WDR41: variants seen among roughly 807,000 people sequenced by gnomAD.
WDR41 encodes WD repeat-containing protein 41.
In WDR41, 63 loss-of-function variants were observed where a neutral mutation model predicts 69.3. That is an observed-to-expected ratio of 0.91 (90% CI 0.74 to 1.12). WDR41 has a LOEUF of 1.12. WDR41 is among the 50% of genes most tolerant of loss of function. The pLI is 0.00. For synonymous variants in WDR41, 185 were observed against 192.1 expected (o/e 0.96, Z 0.31); for missense variants, 543 against 534.5 (o/e 1.02, Z -0.16).
chr5:77,613,458 T>C (rs1180888929), intron 1 of WDR41, among the ~76,000 whole-genome samples: 1 of 151,824 alleles, frequency 6.6e-6, no homozygotes, highest in African/African-American at 2.4e-5. Flanking sequence ...TATAGATCAA[T>C]GGAACAGAAC....
At position 77,485,074 on chromosome 5, in the gene WDR41, C is replaced by G. The variant is rs552216661; in HGVS notation, c.167+4383G>C. ...CCTCCAGCGGTCCCCATTGGGCTGG[C>G]AGAAACTTTGTCACATCTGCATCAG... On this transcript the variant is annotated intron_variant, in intron 2 of 12. Transcript: ENST00000296679. Among the ~76,000 whole-genome samples, 8 of 152,338 alleles carry G rather than the reference C, an allele frequency of 5.3e-5. No homozygotes were observed. In the South Asian group the frequency reaches 1.7e-3, roughly 32 times the overall value.
chr5:77,489,663 G>A, intron 1 of WDR41, 91 bp from the exon 2 acceptor site: 1 of 686,562 alleles, frequency 1.5e-6, no homozygotes, highest in Non-Finnish European at 2.4e-6. Flanking sequence ...TAACTCCATG[G>A]TATACATCTG....
At chr5:77,504,227 C>T (rs1271345008) in intron 1 of WDR41, among the ~76,000 whole-genome samples, 1 of 151,988 alleles carries the variant, frequency 6.6e-6, no homozygotes, top group African/African-American at 2.4e-5. Context: ...ATACAAACTA[C>T]CATCAGAGAA....
At chr5:77,507,927 C>T (rs758833116) in intron 1 of WDR41, among the ~76,000 whole-genome samples, 15 of 151,928 alleles carry the variant, frequency 9.9e-5, no homozygotes, top group Middle Eastern at 3.2e-3. Context: ...AGGTTCTGTC[C>T]GGTTTTCTTC....
intron 2 of WDR41, among the ~76,000 whole-genome samples, chr5:77,488,729 TACTAGGTA>T (rs1801631167): frequency 6.6e-6 from 1 of 152,194 alleles, no homozygotes; most frequent in South Asian, 2.1e-4. Context: ...TAAGGCACTG[TACTAGGTA>T]CTAAGAAAAC....
chr5:77,494,370 A>G (rs190297187), upstream of WDR41, among the ~76,000 whole-genome samples: 868 of 148,942 alleles, frequency 5.8e-3, 6 homozygotes, highest in South Asian at 9.9e-3. Flanking sequence ...AGGCAGATTG[A>G]CAAAAAAAAA....
At chr5:77,501,927 G>A (rs962591926) in intron 1 of WDR41, among the ~76,000 whole-genome samples, 4 of 152,188 alleles carry the variant, frequency 2.6e-5, no homozygotes, top group Non-Finnish European at 5.9e-5. Flanking sequence ...AGAGAAATCA[G>A]AGCAGAAAAA....
chr5:77,523,010 C>A (rs2112194138), intron 1 of WDR41, among the ~76,000 whole-genome samples: 1 of 152,168 alleles, frequency 6.6e-6, no homozygotes, highest in East Asian at 1.9e-4. Flanking sequence ...TAATGGAAAA[C>A]ACCACATGGA....
At chr5:77,497,002 C>A (rs1581773677), upstream of WDR41, among the ~76,000 whole-genome samples, 1 of 152,254 alleles carries the variant, frequency 6.6e-6, no homozygotes, top group South Asian at 2.1e-4. Context: ...GGGGAAAGGA[C>A]AGTCTTTTCA....
intron 4 of WDR41, 71 bp downstream of exon 4, chr5:77,463,022 TAA>T: frequency 3.3e-6 from 5 of 1,494,368 alleles, no homozygotes; most frequent in Non-Finnish European, 4.5e-6. Flanking sequence ...CCCTATCAGC[TAA>T]AGACTAATAG....
rs567702880 is a variant in WDR41, at chr5:77,591,663, T to C, written c.42+28816A>G. The stretch of plus-strand genomic sequence containing the variant: ...GATTTCTTCTTTTACCCTTAAGTTA[T>C]ACAGAAAATGTTATCCAATTTCCAA... On this transcript the variant is annotated intron_variant, in intron 1 of 5. Coordinates refer to the WDR41 transcript ENST00000509971. Among the ~76,000 whole-genome samples, 5 of 152,262 alleles carry C rather than the reference T, an allele frequency of 3.3e-5. No individual in the cohort carries two copies. The East Asian group carries it at 5.8e-4, about 18-fold the overall frequency.
intron 1 of WDR41, among the ~76,000 whole-genome samples, chr5:77,491,001 A>C (rs780498428): frequency 2.2e-4 from 33 of 152,212 alleles, no homozygotes; most frequent in Admixed American, 1.7e-3. Flanking sequence ...CAATTCACAA[A>C]TTCTGTTCTT....
At chr5:77,543,849 T>C (rs1439295952) in intron 1 of WDR41, among the ~76,000 whole-genome samples, 1 of 152,068 alleles carries the variant, frequency 6.6e-6, no homozygotes, top group Non-Finnish European at 1.5e-5. Context: ...CTAGCCACAT[T>C]GTCATCAGAT....
At chr5:77,469,599 G>A (rs1246971346) in intron 2 of WDR41, among the ~76,000 whole-genome samples, 8 of 152,100 alleles carry the variant, frequency 5.3e-5, no homozygotes, top group Admixed American at 1.3e-4. Flanking sequence ...TGTGTGTGAT[G>A]TTAACACCCA....
intron 1 of WDR41, among the ~76,000 whole-genome samples, chr5:77,564,059 T>C (rs1363628345): frequency 1.3e-5 from 2 of 152,194 alleles, no homozygotes; most frequent in Admixed American, 6.6e-5. Flanking sequence ...GCATAATACC[T>C]ACCTTTTCAG....
intron 2 of WDR41, among the ~76,000 whole-genome samples, chr5:77,469,240 C>T (rs1256001622): frequency 4.0e-5 from 6 of 150,320 alleles, no homozygotes; most frequent in Non-Finnish European, 3.0e-5. Context: ...CAGGGCCTGT[C>T]GTGGGGTGGG....
chr5:77,572,126 G>A (rs376391178), intron 1 of WDR41, among the ~76,000 whole-genome samples: 13 of 152,058 alleles, frequency 8.5e-5, no homozygotes, highest in East Asian at 3.8e-4. Context: ...GGAGAAGAAG[G>A]TTCACTTTAT....
chr5:77,454,283 C>T (rs970348806), intron 5 of WDR41, among the ~76,000 whole-genome samples: 2 of 152,168 alleles, frequency 1.3e-5, no homozygotes, highest in East Asian at 1.9e-4. Context: ...TTGCCAAGCA[C>T]GTAGGTGAGC....
intron 5 of WDR41, among the ~76,000 whole-genome samples, chr5:77,458,499 G>A (rs1799920056): frequency 6.6e-6 from 1 of 152,070 alleles, no homozygotes; most frequent in Non-Finnish European, 1.5e-5. Context: ...ATTTCTGTAG[G>A]AATCACAAGC....
Sources: allele counts gnomAD v4.1 joint callset (sites outside exome capture counted in the v4.1 genomes callset), GRCh38; gene constraint gnomAD v4.1.1; transcripts MANE v1.5; gene names NCBI Gene and HGNC (gene_info 2026-07-23, HGNC 2026-07-21).